XG: variants seen among roughly 807,000 people sequenced by gnomAD.
XG encodes Xg glycoprotein (Xg blood group), also known as glycoprotein Xg.
XG carries 24 observed loss-of-function variants against 25.7 expected under a neutral mutation model. The ratio of observed to expected loss-of-function variants is 0.93; its 90% confidence interval spans 0.68 to 1.31. The LOEUF is 1.31. Among genes scored for constraint, XG ranks in the 40% most tolerant of loss-of-function variants. The pLI is 0.00. For synonymous variants in XG, 77 were observed against 69.2 expected (o/e 1.11, Z -0.56); for missense variants, 181 against 187.6 (o/e 0.96, Z 0.21).
At chrX:2,798,577 G>A (rs1026955230) in intron 7 of XG, among the ~76,000 whole-genome samples, 5 of 110,503 alleles carry the variant, frequency 4.5e-5, no homozygotes, top group Admixed American at 1.9e-4. Flanking sequence ...CACCATGTTG[G>A]TCAGATTGGT....
At chrX:2,791,976 G>A (rs889525384) in intron 5 of XG, among the ~76,000 whole-genome samples, 7 of 110,636 alleles carry the variant, frequency 6.3e-5, no homozygotes, top group Non-Finnish European at 1.3e-4. Context: ...TATGTCAGAG[G>A]TTCCCTGTTC....
At chrX:2,766,860 C>T (rs2050710473) in intron 1 of XG, among the ~76,000 whole-genome samples, 1 of 152,164 alleles carries the variant, frequency 6.6e-6, no homozygotes, top group African/African-American at 2.4e-5. Context: ...CCACCGCGCC[C>T]AGCCTGTGCC....
chrX:2,772,772 C>T (rs916311311), intron 2 of XG, among the ~76,000 whole-genome samples: 1 of 152,172 alleles, frequency 6.6e-6, no homozygotes, highest in African/African-American at 2.4e-5. Context: ...CTGCTACTAC[C>T]TTTTCATTGC....
At chrX:2,752,631 A>G (rs138761097) in intron 1 of XG, among the ~76,000 whole-genome samples, 8,203 of 152,196 alleles carry the variant, frequency 0.054, 282 homozygotes, top group Non-Finnish European at 0.083. Context: ...AAAATGACCT[A>G]TTTAACTCCA....
intron 5 of XG, among the ~76,000 whole-genome samples, chrX:2,792,040 T>C (rs1264828976): frequency 9.0e-6 from 1 of 110,887 alleles, no homozygotes; most frequent in East Asian, 2.8e-4. Context: ...CCCAGCACTT[T>C]GGGAGGCCGA....
At chrX:2,770,029 G>C (rs1336273506) in intron 1 of XG, among the ~76,000 whole-genome samples, 2 of 144,778 alleles carry the variant, frequency 1.4e-5, no homozygotes, top group Admixed American at 6.9e-5. Context: ...AGGGGTGGGG[G>C]GGGCGTTGGG....
intron 6 of XG, among the ~76,000 whole-genome samples, chrX:2,795,035 C>T (rs1463389232): frequency 1.8e-5 from 2 of 109,808 alleles, no homozygotes; most frequent in Non-Finnish European, 3.8e-5. Context: ...AATGCATCTA[C>T]ATATGTAGGT....
intron 1 of XG, among the ~76,000 whole-genome samples, chrX:2,759,078 G>C (rs1289592169): frequency 2.6e-5 from 4 of 151,884 alleles, no homozygotes; most frequent in African/African-American, 9.7e-5. Flanking sequence ...TTATCTAGCA[G>C]TCCATCATCT....
chrX:2,759,140 C>G (rs1436723911), intron 1 of XG, among the ~76,000 whole-genome samples: 4 of 152,132 alleles, frequency 2.6e-5, no homozygotes, highest in Non-Finnish European at 5.9e-5. Context: ...TCGAGTAACA[C>G]TTGGCAATGT....
At chrX:2,778,502 A>C (rs2051049354) in intron 3 of XG, among the ~76,000 whole-genome samples, 1 of 152,148 alleles carries the variant, frequency 6.6e-6, no homozygotes, top group African/African-American at 2.4e-5. Context: ...TGATCACGCC[A>C]CTGCACTCCA....
At chrX:2,793,985 G>C (rs192891982) in intron 5 of XG, among the ~76,000 whole-genome samples, 1 of 110,815 alleles carries the variant, frequency 9.0e-6, no homozygotes, top group Non-Finnish European at 1.9e-5. Flanking sequence ...GACATGAGAT[G>C]ATGTTGGAGG....
In XG at chrX:2,794,516, C is replaced by T. The variant is rs377525178; in HGVS notation, c.254-19C>T. 1.7e-5 allele frequency: 21 copies of T among 1,207,684 alleles called. No individual in the cohort carries two copies. Among genetic ancestry groups the T allele is most frequent in the African/African-American group, 1.6e-4 (9 of 57,361 alleles). ...TTTGGAGAGGTCTCATGAGCAATGC[C>T]GCGTGCTCTGCCCCACAGGTTACTT... is the stretch of plus-strand genomic sequence containing the variant. On this transcript the variant is annotated intron_variant, in intron 5 of 10. Coordinates refer to ENST00000644266, the MANE Select transcript of XG (RefSeq NM_001141919.2).
chrX:2,774,625 T>G, intron 2 of XG, 91 bp from the exon 3 acceptor site: 6 of 1,425,450 alleles, frequency 4.2e-6, no homozygotes, highest in Non-Finnish European at 5.0e-6. Context: ...TCACTCCCTT[T>G]TCACCTTTCA....
intron 2 of XG, 102 bp from the exon 3 acceptor site, chrX:2,774,614 G>A (rs1049488834): frequency 1.2e-5 from 15 of 1,297,480 alleles, no homozygotes; most frequent in Non-Finnish European, 1.7e-5. Flanking sequence ...GTATGGCTTT[G>A]TCACTCCCTT....
intron 3 of XG, among the ~76,000 whole-genome samples, chrX:2,781,722 G>T (rs1241543842): frequency 1.8e-5 from 2 of 112,056 alleles, no homozygotes; most frequent in Non-Finnish European, 3.7e-5. Context: ...TTCATCACAG[G>T]CACTGGACTG....
chrX:2,803,213 G>T (rs2086961252), intron 7 of XG, among the ~76,000 whole-genome samples: 1 of 111,243 alleles, frequency 9.0e-6, no homozygotes, highest in African/African-American at 3.3e-5. Flanking sequence ...GTGCAGTGGT[G>T]CAATCATAGC....
At chrX:2,803,255 G>A (rs1168498390) in intron 7 of XG, among the ~76,000 whole-genome samples, 1 of 110,412 alleles carries the variant, frequency 9.1e-6, no homozygotes, top group African/African-American at 3.3e-5. Flanking sequence ...GGGCTCAAGC[G>A]ATCCTCCCAC....
At chrX:2,777,194 A>G (rs2051018281) in intron 3 of XG, among the ~76,000 whole-genome samples, 1 of 152,240 alleles carries the variant, frequency 6.6e-6, no homozygotes, top group South Asian at 2.1e-4. Flanking sequence ...GTTTAAAAAA[A>G]TAATAATAAC....
chrX:2,776,852 CA>C (rs2051009864), intron 3 of XG, among the ~76,000 whole-genome samples: 3 of 152,112 alleles, frequency 2.0e-5, no homozygotes. Context: ...GTCTCAACAA[CA>C]ACAACAACAA....
Sources: gnomAD v4.1 joint callset for allele counts (sites outside exome capture counted in the v4.1 genomes callset) on GRCh38, gnomAD v4.1.1 for gene constraint, MANE v1.5 for transcripts, NCBI Gene and HGNC (gene_info 2026-07-23, HGNC 2026-07-21) for gene names.